UGT1A7: variants seen among roughly 807,000 people sequenced by gnomAD.
UGT1A7 encodes the protein UDP-glucuronosyltransferase 1A7.
Under a neutral mutation model 45.6 loss-of-function variants are expected in UGT1A7, and 33 were observed. The ratio of observed to expected loss-of-function variants is 0.72; its 90% confidence interval spans 0.55 to 0.97. The LOEUF (loss-of-function observed/expected upper bound fraction) is 0.97, where lower values mean the gene tolerates loss of function less well. Ranked by LOEUF, UGT1A7 falls within the 50% of genes least tolerant of loss-of-function variation. UGT1A7 has a pLI of 0.00. For synonymous variants in UGT1A7, 274 were observed against 250.6 expected, an observed-to-expected ratio of 1.09 and a Z score of -0.88; for missense variants, 684 against 666.2, an observed-to-expected ratio of 1.03 and a Z score of -0.29.
intron 1 of UGT1A7, among the ~76,000 whole-genome samples, chr2:233,748,516 C>G (rs60390282): frequency 6.6e-6 from 1 of 151,670 alleles, no homozygotes; most frequent in Non-Finnish European, 1.5e-5. Flanking sequence ...TCCTGTCTTG[C>G]GAATGATAGA....
At chr2:233,683,580 C>G (rs1400280067) in intron 1 of UGT1A7, among the ~76,000 whole-genome samples, 1 of 152,122 alleles carries the variant, frequency 6.6e-6, no homozygotes, top group Admixed American at 6.5e-5. Flanking sequence ...TCTTCCTACT[C>G]AAGAATATGA....
At chr2:233,687,584 A>G (rs1393957016) in intron 1 of UGT1A7, among the ~76,000 whole-genome samples, 1 of 40,630 alleles carries the variant, frequency 2.5e-5, no homozygotes, top group Non-Finnish European at 4.9e-5. Flanking sequence ...CATTCTTTGT[A>G]AAAAAAAAAA....
chr2:233,730,218 T>C (rs2078001973), intron 1 of UGT1A7, among the ~76,000 whole-genome samples: 1 of 152,086 alleles, frequency 6.6e-6, no homozygotes, highest in Admixed American at 6.5e-5. Context: ...ACACGAATGT[T>C]TGTAAAAGGA....
At chr2:233,713,415 C>A (rs3755320) in intron 1 of UGT1A7, 158,193 of 1,614,046 alleles carry the variant, frequency 0.098, 8,780 homozygotes, top group South Asian at 0.2. Flanking sequence ...CAGGCACCTG[C>A]ATGCTACTTC....
intron 1 of UGT1A7, chr2:233,693,897 G>C (rs901787042): frequency 6.2e-7 from 1 of 1,613,764 alleles, no homozygotes; most frequent in South Asian, 1.1e-5. Context: ...GGACTGCCTT[G>C]TTTCTTCCAG....
At chr2:233,685,588 G>T (rs17864689) in intron 1 of UGT1A7, among the ~76,000 whole-genome samples, 5,777 of 152,230 alleles carry the variant, frequency 0.038, 136 homozygotes, top group Non-Finnish European at 0.059. Flanking sequence ...CAAGCCCAAG[G>T]CCTCCCTCCA....
chr2:233,724,272 C>T (rs2077202450), intron 1 of UGT1A7, among the ~76,000 whole-genome samples: 2 of 137,942 alleles, frequency 1.4e-5, no homozygotes, highest in African/African-American at 5.4e-5. Context: ...GACGGGGCGG[C>T]TGGCCGGGCG....
At chr2:233,688,597 A>C (rs1376103048) in intron 1 of UGT1A7, among the ~76,000 whole-genome samples, 1 of 152,200 alleles carries the variant, frequency 6.6e-6, no homozygotes, top group Non-Finnish European at 1.5e-5. Context: ...TTGGTGTTAC[A>C]GAATAACACC....
chr2:233,767,788 G>C (rs527533927), intron 2 of UGT1A7, 61 bp from the exon 3 acceptor site: 33 of 1,613,882 alleles, frequency 2.0e-5, no homozygotes, highest in East Asian at 4.5e-5. Flanking sequence ...TAGTATAGCA[G>C]ATTTGTTTTC....
intron 1 of UGT1A7, among the ~76,000 whole-genome samples, chr2:233,688,811 G>A (rs1196099395): frequency 6.6e-6 from 1 of 152,140 alleles, no homozygotes; most frequent in Non-Finnish European, 1.5e-5. Flanking sequence ...GCTACAAACT[G>A]TGAAACATAC....
intron 1 of UGT1A7, among the ~76,000 whole-genome samples, chr2:233,706,330 G>C (rs184912416): frequency 6.6e-6 from 1 of 152,326 alleles, no homozygotes; most frequent in African/African-American, 2.4e-5. Context: ...AACTATTCAA[G>C]CTGGTGACCC....
intron 1 of UGT1A7, chr2:233,760,248 A>ATT (rs606231201): frequency 6.2e-7 from 1 of 1,609,150 alleles, no homozygotes; most frequent in South Asian, 1.1e-5. Context: ...ATATATATAT[A>ATT]AGTAGGAGAG....
intron 1 of UGT1A7, among the ~76,000 whole-genome samples, chr2:233,745,582 T>C (rs1693150962): frequency 6.6e-6 from 1 of 151,630 alleles, no homozygotes; most frequent in Admixed American, 6.6e-5. Context: ...TGACATAACC[T>C]GAGACCCGGA....
At chr2:233,697,355 T>C (rs1350748190) in intron 1 of UGT1A7, among the ~76,000 whole-genome samples, 1 of 152,124 alleles carries the variant, frequency 6.6e-6, no homozygotes, top group Admixed American at 6.5e-5. Context: ...GTTTTCTAAT[T>C]TGTTGGCATA....
At chr2:233,689,449 A>G (rs1039302425) in intron 1 of UGT1A7, among the ~76,000 whole-genome samples, 2 of 152,252 alleles carry the variant, frequency 1.3e-5, no homozygotes, top group African/African-American at 4.8e-5. Context: ...AAGAGCAAGG[A>G]TACATTTTAG....
At chr2:233,718,845 C>T (rs372864250) in intron 1 of UGT1A7, 6 of 1,613,704 alleles carry the variant, frequency 3.7e-6, no homozygotes, top group Non-Finnish European at 5.1e-6. Flanking sequence ...CCAGGTTCCC[C>T]TGCCGCGGCT....
intron 1 of UGT1A7, chr2:233,721,797 A>G (rs7597496): frequency 0.51 from 260,053 of 511,456 alleles, 70,587 homozygotes; most frequent in African/African-American, 0.82. Context: ...TTTAAAGCAC[A>G]TGCAGCAAAA....
intron 1 of UGT1A7, chr2:233,719,795 T>A: frequency 1.9e-6 from 3 of 1,604,386 alleles, no homozygotes; most frequent in Non-Finnish European, 2.6e-6. Flanking sequence ...AAAGATTTTA[T>A]TTTGGCTTCT....
chr2:233,765,059 C>A (rs917650453), intron 1 of UGT1A7, among the ~76,000 whole-genome samples: 1 of 152,076 alleles, frequency 6.6e-6, no homozygotes, highest in African/African-American at 2.4e-5. Context: ...TGAGCCCTGT[C>A]AGAGGTCTCC....
Sources: gnomAD v4.1 joint callset for allele counts (sites outside exome capture counted in the v4.1 genomes callset) on GRCh38, gnomAD v4.1.1 for gene constraint, MANE v1.5 for transcripts, NCBI Gene and HGNC (gene_info 2026-07-23, HGNC 2026-07-21) for gene names.